Variants in PTPRT observed in about 807,000 individuals in gnomAD.
The protein encoded by PTPRT is protein tyrosine phosphatase receptor type T, also known as receptor-type tyrosine-protein phosphatase T.
A neutral mutation model predicts 176.8 loss-of-function variants in PTPRT; 56 were observed. The ratio of observed to expected loss-of-function variants is 0.32; its 90% CI spans 0.26 to 0.40. The LOEUF is 0.40. PTPRT is among the 10% of genes least tolerant of loss of function. The pLI is 1.00. For synonymous variants in PTPRT, 783 were observed against 739.0 expected (o/e 1.06, Z -0.96); for missense variants, 1,540 against 1,908.2 (o/e 0.81, Z 3.60).
intron 9 of PTPRT, among the ~76,000 whole-genome samples, chr20:42,389,931 C>A (rs982415214): frequency 6.6e-6 from 1 of 151,786 alleles, no homozygotes; most frequent in East Asian, 1.9e-4. Flanking sequence ...TCTTCCTTTG[C>A]CCTTCTACCA....
chr20:42,362,641 T>C (rs1339359121), intron 9 of PTPRT, among the ~76,000 whole-genome samples: 7 of 152,076 alleles, frequency 4.6e-5, no homozygotes, highest in Non-Finnish European at 1.0e-4. Context: ...GGCCTGTAGA[T>C]TATAGTGTTC....
chr20:42,496,001 T>A (rs570572790), intron 7 of PTPRT, among the ~76,000 whole-genome samples: 1 of 152,268 alleles, frequency 6.6e-6, no homozygotes, highest in South Asian at 2.1e-4. Context: ...AAAACATATT[T>A]TGTGTTATAT....
chr20:43,064,245 C>T (rs1198703886), intron 1 of PTPRT, among the ~76,000 whole-genome samples: 1 of 152,132 alleles, frequency 6.6e-6, no homozygotes, highest in Non-Finnish European at 1.5e-5. Flanking sequence ...CCTACCCCAT[C>T]CTCCACCCTC....
chr20:42,883,768 A>C (rs376133489), intron 2 of PTPRT, among the ~76,000 whole-genome samples: 2 of 1,108 alleles, frequency 1.8e-3, no homozygotes, highest in Admixed American at 0.014. Flanking sequence ...ACATGCACAC[A>C]CACCCTCCAT....
chr20:42,907,469 T>C (rs1309644264), intron 1 of PTPRT, among the ~76,000 whole-genome samples: 1 of 151,980 alleles, frequency 6.6e-6, no homozygotes, highest in Admixed American at 6.5e-5. Flanking sequence ...ATTGAAGTTT[T>C]TTTTTAATGT....
chr20:42,201,985 G>A (rs1345822065), intron 15 of PTPRT, among the ~76,000 whole-genome samples: 2 of 151,986 alleles, frequency 1.3e-5, no homozygotes, highest in African/African-American at 2.4e-5. Context: ...GTGTATGTAT[G>A]TGTGGACAGT....
chr20:42,650,301 G>A (rs759606852), intron 7 of PTPRT, among the ~76,000 whole-genome samples: 1 of 152,040 alleles, frequency 6.6e-6, no homozygotes, highest in Non-Finnish European at 1.5e-5. Context: ...CTGACCTTCT[G>A]CACCACTGAG....
intron 9 of PTPRT, among the ~76,000 whole-genome samples, chr20:42,363,300 A>AT (rs879370769): frequency 2.3e-4 from 7 of 30,560 alleles, no homozygotes; most frequent in Admixed American, 2.1e-3. Flanking sequence ...ATATATATAT[A>AT]TTTTTTTTTT....
rs138924927 is a variant in PTPRT at position 42,959,832 on chromosome 20, G to A, written c.89-73900C>T. Among the ~76,000 whole-genome samples, 311 of 152,240 alleles carry A rather than the reference G, an allele frequency of 2.0e-3. 4 individuals carry two copies. Among genetic ancestry groups the A allele is most frequent in the African/African-American group, 7.1e-3 (296 of 41,544 alleles). On this transcript the variant is annotated intron_variant, in intron 1 of 30. Coordinates refer to ENST00000373187, the MANE Select transcript of PTPRT (RefSeq NM_007050.6). ...GCAGAAAGATTTCCTAAGTCCTTAGGGGGGAGTCCAAGAGAGAACAAGGAC... is the reference window on the plus strand; with the variant it reads ...GCAGAAAGATTTCCTAAGTCCTTAGAGGGGAGTCCAAGAGAGAACAAGGAC...
chr20:42,284,736 T>C (rs374198595), intron 12 of PTPRT, among the ~76,000 whole-genome samples: 135 of 152,072 alleles, frequency 8.9e-4, no homozygotes, highest in African/African-American at 2.3e-3. Flanking sequence ...TGGGTTGACA[T>C]GACTTGTTCT....
intron 13 of PTPRT, among the ~76,000 whole-genome samples, chr20:42,263,860 C>A (rs1056708831): frequency 5.9e-5 from 9 of 151,928 alleles, no homozygotes; most frequent in Non-Finnish European, 1.0e-4. Context: ...ATCACTCTGG[C>A]TTCAGTGGGG....
At chr20:42,600,926 C>A (rs569755969) in intron 7 of PTPRT, among the ~76,000 whole-genome samples, 2 of 152,248 alleles carry the variant, frequency 1.3e-5, no homozygotes, top group African/African-American at 4.8e-5. Flanking sequence ...TGTGAGTACA[C>A]CTCCTGGCAA....
chr20:42,688,931 G>T (rs546653607), intron 6 of PTPRT, among the ~76,000 whole-genome samples: 1 of 152,198 alleles, frequency 6.6e-6, no homozygotes, highest in Non-Finnish European at 1.5e-5. Context: ...ACTAGGGAAG[G>T]ATGCAGAAAC....
At chr20:42,589,082 A>G (rs1295518596) in intron 7 of PTPRT, among the ~76,000 whole-genome samples, 1 of 152,220 alleles carries the variant, frequency 6.6e-6, no homozygotes, top group African/African-American at 2.4e-5. Flanking sequence ...AGTCACCCAC[A>G]GGGAAGAAAC....
At chr20:43,105,366 C>G (rs895432509) in intron 1 of PTPRT, among the ~76,000 whole-genome samples, 3 of 151,846 alleles carry the variant, frequency 2.0e-5, no homozygotes, top group Non-Finnish European at 4.4e-5. Context: ...ATAGCTTTAC[C>G]GACTCCATGA....
chr20:42,669,876 A>G (rs1374629832), intron 7 of PTPRT, among the ~76,000 whole-genome samples: 1 of 152,014 alleles, frequency 6.6e-6, no homozygotes, highest in Non-Finnish European at 1.5e-5. Context: ...CATTCTTACA[A>G]GCCTTGGCCT....
intron 24 of PTPRT, among the ~76,000 whole-genome samples, chr20:42,105,766 A>G (rs1040855672): frequency 2.6e-5 from 4 of 152,344 alleles, no homozygotes; most frequent in Non-Finnish European, 4.4e-5. Flanking sequence ...CTCAGAGCCT[A>G]TGTGTGTAAA....
At chr20:43,151,324 A>C (rs950099364) in intron 1 of PTPRT, among the ~76,000 whole-genome samples, 3 of 151,694 alleles carry the variant, frequency 2.0e-5, no homozygotes, top group Non-Finnish European at 2.9e-5. Context: ...AAACAAAAAA[A>C]AAAAAAAAAA....
At chr20:42,350,807 C>A in intron 10 of PTPRT, 77 bp from the exon 11 acceptor site, 2 of 1,052,506 alleles carry the variant, frequency 1.9e-6, no homozygotes, top group Admixed American at 1.7e-5. Context: ...TGCTGCCATC[C>A]TTAAAGACAC....
Sources: allele counts gnomAD v4.1 joint callset (sites outside exome capture counted in the v4.1 genomes callset), GRCh38; gene constraint gnomAD v4.1.1; transcripts MANE v1.5; gene names NCBI Gene and HGNC (gene_info 2026-07-23, HGNC 2026-07-21).